Variants in GNAL observed in about 807,000 individuals in gnomAD.
GNAL encodes guanine nucleotide-binding protein G(olf) subunit alpha.
GNAL carries 18 observed loss-of-function variants against 55.1 expected under a neutral mutation model. The observed-to-expected ratio is 0.33, with a 90% CI of 0.23 to 0.48. GNAL has a LOEUF of 0.48. GNAL is among the 20% of genes least tolerant of loss of function. The pLI is 0.99. For missense variants in GNAL, 412 were observed against 614.1 expected (o/e 0.67, Z 3.48); for synonymous variants, 253 against 237.0 (o/e 1.07, Z -0.62).
chr18:11,776,467 G>C (rs890159771), intron 4 of GNAL, among the ~76,000 whole-genome samples: 3 of 152,086 alleles, frequency 2.0e-5, no homozygotes, highest in Admixed American at 1.3e-4. Flanking sequence ...AGCATTTTGG[G>C]AAGCCAAGGT....
intron 5 of GNAL, among the ~76,000 whole-genome samples, chr18:11,825,725 G>A: frequency 6.9e-5 from 1 of 14,498 alleles, no homozygotes; most frequent in Non-Finnish European, 4.1e-4. Context: ...ATGAGACTCT[G>A]TCTCAAAAAA....
At chr18:11,864,505 CA>C (rs763798014) in intron 6 of GNAL, 27 bp from the exon 7 acceptor site, 2 of 1,199,874 alleles carry the variant, frequency 1.7e-6, no homozygotes, top group East Asian at 4.6e-5. Flanking sequence ...TAATGTAACT[CA>C]GCTTGTTTCC....
intron 1 of GNAL, among the ~76,000 whole-genome samples, chr18:11,733,660 T>C (rs2032393311): frequency 2.6e-5 from 4 of 152,102 alleles, no homozygotes; most frequent in African/African-American, 7.2e-5. Flanking sequence ...AACTCAGAAA[T>C]AGAAGTCAAA....
At chr18:11,790,224 T>C (rs1598460738) in intron 4 of GNAL, among the ~76,000 whole-genome samples, 1 of 151,872 alleles carries the variant, frequency 6.6e-6, no homozygotes, top group Admixed American at 6.5e-5. Context: ...GGGCAGGGGG[T>C]GTTCAGAGCC....
At position 11,711,232 on chromosome 18, in the gene GNAL, C is replaced by T. The variant is rs139396345; in HGVS notation, c.376+21293C>T. On this transcript the variant is annotated intron_variant, in intron 1 of 11. Coordinates refer to ENST00000334049, the MANE Select transcript of GNAL (RefSeq NM_182978.4). ...CGTGATTCATTGAGCTTCATGAATC[C>T]GGATATCCATTTCCCTCTCCAGATT... 3.3e-5 allele frequency among the ~76,000 whole-genome samples: 5 copies of T among 152,242 alleles called. No homozygotes were observed. In the East Asian group the frequency reaches 5.8e-4, roughly 18 times the overall value.
intron 5 of GNAL, among the ~76,000 whole-genome samples, chr18:11,843,941 C>A (rs2035675288): frequency 6.6e-6 from 1 of 151,848 alleles, no homozygotes; most frequent in South Asian, 2.1e-4. Flanking sequence ...CCATTGCACT[C>A]CAGCCTGGGC....
rs186852394 is a variant in GNAL, at chr18:11,769,209, A to G, written c.624+15264A>G. 5.1e-3 allele frequency among the ~76,000 whole-genome samples: 734 copies of G among 143,588 alleles called. 7 individuals are homozygous for G. Among genetic ancestry groups the G allele is most frequent in the African/African-American group, 0.018 (688 of 38,854 alleles). The allele number at this position is 143,588 out of a possible 152,430, so 94.2% of individuals were successfully genotyped here. Reference sequence around the variant, plus strand: ...ATTATATAAATTATATATAATATATATAATGTGTAATATAAAATTAATGAA... The same window carrying G: ...ATTATATAAATTATATATAATATATGTAATGTGTAATATAAAATTAATGAA... On this transcript the variant is annotated intron_variant, in intron 4 of 11. Transcript: ENST00000334049.
At chr18:11,875,382 AT>A (rs1448652058) in intron 10 of GNAL, among the ~76,000 whole-genome samples, 3 of 152,166 alleles carry the variant, frequency 2.0e-5, no homozygotes, top group African/African-American at 7.2e-5. Context: ...TGGTGATAGG[AT>A]TTAGATCTGT....
chr18:11,710,515 CT>C lies in GNAL; in HGVS notation c.376+20578del, dbSNP rs544020340. 2.2e-4 allele frequency among the ~76,000 whole-genome samples: 34 copies of C among 152,156 alleles called. No homozygotes were observed. The South Asian group carries it at 6.8e-3, about 31-fold the overall frequency. On this transcript the variant is annotated intron_variant, in intron 1 of 11. Coordinates refer to ENST00000334049, the MANE Select transcript of GNAL (RefSeq NM_182978.4). ...TGAACTTTATACTTTCATATGCTTT[CT>C]TGTTGCTGTTTAGTATGCTTTCATT...
intron 1 of GNAL, among the ~76,000 whole-genome samples, chr18:11,713,063 C>T (rs995330015): frequency 1.3e-5 from 2 of 152,228 alleles, no homozygotes; most frequent in Non-Finnish European, 2.9e-5. Context: ...TGTTTAATTC[C>T]TTCATGCTAA....
rs181970297 is a variant in GNAL at position 11,760,851 on chromosome 18, G to A, written c.624+6906G>A. Among the ~76,000 whole-genome samples, 3 of 152,318 alleles carry A rather than the reference G, an allele frequency of 2.0e-5. No homozygotes were observed. In the East Asian group the frequency reaches 5.8e-4, roughly 29 times the overall value. The stretch of plus-strand genomic sequence containing the variant: ...AAATTCTAGCCCTGCCAGACCCTTT[G>A]TATGTGACCTTGAGCACATGACCTC... On this transcript the variant is annotated intron_variant, in intron 4 of 11. Transcript: ENST00000334049.
intron 4 of GNAL, among the ~76,000 whole-genome samples, chr18:11,813,185 G>A (rs2034862650): frequency 6.6e-6 from 1 of 150,818 alleles, no homozygotes; most frequent in South Asian, 2.1e-4. Context: ...AACCCGGGAG[G>A]TGGAGGTTGC....
At chr18:11,833,044 A>ATT (rs113418617) in intron 5 of GNAL, among the ~76,000 whole-genome samples, 2 of 144,780 alleles carry the variant, frequency 1.4e-5, no homozygotes, top group Admixed American at 6.9e-5. Context: ...TTATTTTCAG[A>ATT]TTTTTTTTTT....
chr18:11,844,637 C>T (rs73407495), intron 5 of GNAL, among the ~76,000 whole-genome samples: 3,280 of 152,122 alleles, frequency 0.022, 122 homozygotes, highest in African/African-American at 0.074. Context: ...CACATGTCCC[C>T]GGGAACAGCA....
At position 11,796,268 on chromosome 18, in the gene GNAL, A is replaced by G. The variant is rs116989726; in HGVS notation, c.625-28650A>G. 5.4e-3 allele frequency among the ~76,000 whole-genome samples: 827 copies of G among 152,276 alleles called. 3 individuals carry two copies. The highest frequency in any genetic ancestry group is 9.4e-3 in the Non-Finnish European group (640 of 68,012). On this transcript the variant is annotated intron_variant, in intron 4 of 11. Transcript: ENST00000334049. The stretch of plus-strand genomic sequence containing the variant: ...TTTCATTTTTAAGACTGAAAAGTGC[A>G]ACAAAGGAAGATAAAACCTTTCCAC...
chr18:11,759,803 G>A (rs553470976), intron 4 of GNAL, among the ~76,000 whole-genome samples: 10 of 152,326 alleles, frequency 6.6e-5, no homozygotes, highest in African/African-American at 2.2e-4. Context: ...TCCAGAATGC[G>A]GTCAGATTCT....
At chr18:11,743,006 TA>T (rs1184349432) in intron 1 of GNAL, among the ~76,000 whole-genome samples, 1 of 152,262 alleles carries the variant, frequency 6.6e-6, no homozygotes, top group Admixed American at 6.5e-5. Context: ...TGTGTTCAAC[TA>T]CTTGAATCCT....
At chr18:11,843,057 C>T (rs1442859780) in intron 5 of GNAL, among the ~76,000 whole-genome samples, 1 of 152,090 alleles carries the variant, frequency 6.6e-6, no homozygotes, top group Non-Finnish European at 1.5e-5. Context: ...TAAGGCCAGG[C>T]ACAGTGGCTC....
intron 4 of GNAL, among the ~76,000 whole-genome samples, chr18:11,785,767 C>T (rs942186115): frequency 4.9e-4 from 75 of 152,280 alleles, no homozygotes; most frequent in African/African-American, 1.7e-3. Flanking sequence ...GACGCCCCCT[C>T]TCCTGCGAAC....
Sources: gnomAD v4.1 joint callset for allele counts (sites outside exome capture counted in the v4.1 genomes callset) on GRCh38, gnomAD v4.1.1 for gene constraint, MANE v1.5 for transcripts, NCBI Gene and HGNC (gene_info 2026-07-23, HGNC 2026-07-21) for gene names.